Variants in HM13 observed in about 807,000 individuals in gnomAD.
HM13 encodes the protein signal peptide peptidase.
HM13 carries 18 observed loss-of-function variants against 50.0 expected under a neutral mutation model. That is an observed-to-expected ratio of 0.36 (90% CI 0.25 to 0.53). The LOEUF (loss-of-function observed/expected upper bound fraction) is 0.53. Among genes scored for constraint, HM13 ranks in the 20% least tolerant of loss-of-function variants. The pLI is 0.90. For missense variants in HM13, 393 were observed against 552.4 expected (o/e 0.71, Z 2.89); for synonymous variants, 197 against 232.6 (o/e 0.85, Z 1.39).
chr20:31,530,182 G>A, intron 2 of HM13, among the ~76,000 whole-genome samples: 1 of 151,946 alleles, frequency 6.6e-6, no homozygotes, highest in Non-Finnish European at 1.5e-5. Flanking sequence ...AAAAAAATTT[G>A]TTGCCAGCCT....
intron 9 of HM13, 131 bp downstream of exon 9, chr20:31,559,778 A>G: frequency 1.2e-6 from 1 of 865,730 alleles, no homozygotes; most frequent in African/African-American, 1.7e-5. Context: ...TTCTGATTTT[A>G]TCTGCATTTT....
At chr20:31,553,848 C>T (rs1326804930) in intron 7 of HM13, among the ~76,000 whole-genome samples, 2 of 152,074 alleles carry the variant, frequency 1.3e-5, no homozygotes, top group African/African-American at 4.8e-5. Context: ...AGCCCGGGCT[C>T]ACCCTGCTTC....
chr20:31,534,105 T>G (rs887065371), intron 2 of HM13, among the ~76,000 whole-genome samples: 3 of 152,078 alleles, frequency 2.0e-5, no homozygotes, highest in Non-Finnish European at 4.4e-5. Context: ...CTTGAACTCC[T>G]GGCCTCATGC....
intron 10 of HM13, chr20:31,562,754 A>G (rs1984689803): frequency 6.6e-6 from 1 of 152,218 alleles, no homozygotes; most frequent in Admixed American, 6.5e-5. Flanking sequence ...GTACAGTATT[A>G]CTTTATAGAA....
chr20:31,525,392 G>A (rs1982425904), intron 1 of HM13, among the ~76,000 whole-genome samples: 1 of 152,030 alleles, frequency 6.6e-6, no homozygotes, highest in Non-Finnish European at 1.5e-5. Context: ...GTTGGTTTTT[G>A]TCAGCCAAAA....
chr20:31,527,040 A>T (rs1335864526), intron 1 of HM13, among the ~76,000 whole-genome samples: 5 of 151,998 alleles, frequency 3.3e-5, no homozygotes. Flanking sequence ...AGATCTCCTC[A>T]TGGTAGAATG....
At chr20:31,568,457 G>A (rs1985061170) in intron 12 of HM13, among the ~76,000 whole-genome samples, 1 of 152,236 alleles carries the variant, frequency 6.6e-6, no homozygotes, top group Non-Finnish European at 1.5e-5. Context: ...CATCATAGTG[G>A]ATGGAAATGG....
At chr20:31,540,934 C>G (rs1399968072) in intron 3 of HM13, 1 of 150,704 alleles carries the variant, frequency 6.6e-6, no homozygotes, top group Non-Finnish European at 1.5e-5. Flanking sequence ...GAGTCAAGAT[C>G]GCACCACTGC....
intron 2 of HM13, 51 bp downstream of exon 2, chr20:31,527,633 ATTTTG>A (rs951144333): frequency 3.4e-5 from 42 of 1,252,104 alleles, no homozygotes; most frequent in East Asian, 4.7e-5. Context: ...ACTTTATCTT[ATTTTG>A]TTTTATTTTT....
chr20:31,547,366 T>C (rs776642684), intron 4 of HM13: 33 of 371,228 alleles, frequency 8.9e-5, no homozygotes, highest in Non-Finnish European at 1.5e-4. Context: ...GCTGGCTGTG[T>C]CATCTTCCGG....
intron 2 of HM13, among the ~76,000 whole-genome samples, chr20:31,529,860 G>A (rs887526672): frequency 6.6e-6 from 1 of 152,096 alleles, no homozygotes; most frequent in African/African-American, 2.4e-5. Context: ...CCAGCTACTC[G>A]GGAGTCTGAG....
intron 7 of HM13, among the ~76,000 whole-genome samples, chr20:31,550,874 G>A (rs1442583787): frequency 6.6e-6 from 1 of 152,062 alleles, no homozygotes; most frequent in Non-Finnish European, 1.5e-5. Flanking sequence ...TACTTGGGAG[G>A]ATCTGAAGCA....
chr20:31,547,426 G>A (rs371635339), intron 4 of HM13: 74 of 488,924 alleles, frequency 1.5e-4, no homozygotes, highest in African/African-American at 1.4e-3. Context: ...CGCCCGCGCC[G>A]GCCTTCCTGC....
At chr20:31,519,126 G>A (rs180824101) in intron 1 of HM13, among the ~76,000 whole-genome samples, 44 of 152,154 alleles carry the variant, frequency 2.9e-4, no homozygotes, top group Middle Eastern at 3.4e-3. Context: ...TAATGAGACC[G>A]AGTCTCACTC....
chr20:31,548,188 CA>C, intron 4 of HM13: 1 of 686,916 alleles, frequency 1.5e-6, no homozygotes, highest in Non-Finnish European at 2.6e-6. Flanking sequence ...TTATAGAAAA[CA>C]AATCAGGGTG....
chr20:31,535,580 G>GA (rs1267505794), intron 2 of HM13: 1 of 152,232 alleles, frequency 6.6e-6, no homozygotes, highest in African/African-American at 2.4e-5. Flanking sequence ...AATGCAATGT[G>GA]AGAGGTATGC....
intron 1 of HM13, among the ~76,000 whole-genome samples, chr20:31,522,434 T>G (rs891817300): frequency 1.3e-5 from 2 of 151,872 alleles, no homozygotes; most frequent in African/African-American, 4.8e-5. Flanking sequence ...TGGTGGCAGG[T>G]GCCTATAATC....
intron 7 of HM13, among the ~76,000 whole-genome samples, chr20:31,553,134 A>C (rs964896871): frequency 5.3e-5 from 8 of 151,960 alleles, no homozygotes. Context: ...TGTCTCTACT[A>C]AAAATACAAA....
intron 2 of HM13, among the ~76,000 whole-genome samples, chr20:31,537,088 G>C (rs1325276837): frequency 6.6e-6 from 1 of 152,240 alleles, no homozygotes; most frequent in African/African-American, 2.4e-5. Flanking sequence ...AAGCTTCCCT[G>C]ATCTGGGAGC....
Sources: gnomAD v4.1 joint callset for allele counts (sites outside exome capture counted in the v4.1 genomes callset) on GRCh38, gnomAD v4.1.1 for gene constraint, MANE v1.5 for transcripts, NCBI Gene and HGNC (gene_info 2026-07-23, HGNC 2026-07-21) for gene names.